PIWIL2: variants seen among roughly 807,000 people sequenced by gnomAD.
The protein encoded by PIWIL2 is piwi-like protein 2.
PIWIL2 carries 81 observed loss-of-function variants against 116.5 expected under a neutral mutation model. The observed-to-expected ratio is 0.70, with a 90% CI of 0.58 to 0.84. The LOEUF (loss-of-function observed/expected upper bound fraction) is 0.84, where lower values mean the gene tolerates loss of function less well. PIWIL2 is among the 40% of genes least tolerant of loss of function. The pLI, the probability that PIWIL2 is intolerant of heterozygous loss-of-function variation, is 0.00. For missense variants in PIWIL2, 1,272 were observed against 1,212.3 expected, an observed-to-expected ratio of 1.05 and a Z score of -0.73; for synonymous variants, 489 against 429.5, an observed-to-expected ratio of 1.14 and a Z score of -1.71.
chr8:22,308,032 CTG>C lies in PIWIL2; in HGVS notation c.1646_1647del (p.Leu549HisfsTer13). ...IAKNEAATNE[L>X]MRWGLRLQKD... is the part of the protein sequence containing the mutation. ...AAAGAACGAGGCAGCCACCAATGAA[CTG>C]ATGCGTTGGGGGCTCCGTCTGCAAA... On this transcript the variant is annotated frameshift_variant, in exon 14 of 23. Transcript: ENST00000356766. LOFTEE classifies it high-confidence loss of function. The C allele has an allele frequency of 6.2e-7, 1 of 1,613,998 alleles. No individual in the cohort carries two copies.
At chr8:22,281,092 T>C (rs1322113978) in intron 2 of PIWIL2, 28 bp from the exon 3 acceptor site, 1 of 1,492,848 alleles carries the variant, frequency 6.7e-7, no homozygotes, top group Admixed American at 1.9e-5. Flanking sequence ...AACTACCTCT[T>C]AGAACTTTAT....
intron 20 of PIWIL2, among the ~76,000 whole-genome samples, chr8:22,333,830 A>G (rs574734631): frequency 1.3e-5 from 2 of 152,140 alleles, no homozygotes; most frequent in African/African-American, 2.4e-5. Flanking sequence ...ATGTAGGAAT[A>G]TAATAAAAAA....
intron 10 of PIWIL2, among the ~76,000 whole-genome samples, chr8:22,296,842 C>T (rs1015353049): frequency 1.3e-5 from 2 of 152,058 alleles, no homozygotes; most frequent in Admixed American, 1.3e-4. Context: ...GTAATATGTC[C>T]TTTAGTGTGG....
intron 20 of PIWIL2, among the ~76,000 whole-genome samples, chr8:22,347,716 G>A (rs1586599533): frequency 1.3e-5 from 2 of 150,594 alleles, no homozygotes; most frequent in South Asian, 2.1e-4. Flanking sequence ...TAGTAGAGAC[G>A]GGGTTTCACT....
chr8:22,281,580 A>ATATT, intron 4 of PIWIL2, 65 bp downstream of exon 4: 2 of 1,320,938 alleles, frequency 1.5e-6, no homozygotes, highest in Non-Finnish European at 2.1e-6. Flanking sequence ...AAGTTCAGAG[A>ATATT]GCAACTCTAA....
chr8:22,295,012 G>A (rs1020776801), intron 10 of PIWIL2, among the ~76,000 whole-genome samples: 4 of 151,956 alleles, frequency 2.6e-5, no homozygotes, highest in Admixed American at 6.6e-5. Context: ...CTGGGAGGTG[G>A]AGGTTGCAGT....
chr8:22,305,383 G>A (rs528031399), intron 12 of PIWIL2, among the ~76,000 whole-genome samples: 3 of 152,044 alleles, frequency 2.0e-5, no homozygotes, highest in African/African-American at 2.4e-5. Context: ...TAATAGAGAC[G>A]GGGTTTCACC....
chr8:22,313,167 T>C (rs185640400), intron 16 of PIWIL2, among the ~76,000 whole-genome samples: 1 of 152,312 alleles, frequency 6.6e-6, no homozygotes, highest in African/African-American at 2.4e-5. Flanking sequence ...TACCAACTTA[T>C]CTCATAGCGG....
intron 10 of PIWIL2, among the ~76,000 whole-genome samples, chr8:22,302,247 T>C (rs1315621980): frequency 6.6e-6 from 1 of 152,096 alleles, no homozygotes. Flanking sequence ...AGTGGCGCGA[T>C]CTTGGCTCAC....
chr8:22,298,560 A>G (rs1291252617), intron 10 of PIWIL2, among the ~76,000 whole-genome samples: 1 of 152,236 alleles, frequency 6.6e-6, no homozygotes, highest in African/African-American at 2.4e-5. Context: ...TGAAGAACAA[A>G]GAGTTAAACA....
intron 11 of PIWIL2, among the ~76,000 whole-genome samples, chr8:22,304,493 A>G (rs539146007): frequency 1.5e-4 from 23 of 152,330 alleles, no homozygotes; most frequent in African/African-American, 4.8e-4. Context: ...AATTCAAGTC[A>G]TTAATCATTT....
At position 22,355,572 on chromosome 8, in the gene PIWIL2, G is replaced by T; in HGVS notation, c.*67G>T. 7.0e-7 allele frequency: 1 copy of T among 1,419,780 alleles called. No homozygotes were observed. The highest frequency in any genetic ancestry group is 9.8e-7 in the Non-Finnish European group (1 of 1,020,682). The allele number at this position is 1,419,780 out of a possible 1,614,324, so 87.9% of individuals were successfully genotyped here. ...TCAGAACTCAGCTGTGACTCTTGCA[G>T]AATCAACAGAGACTGAAGTGGGCTT... On this transcript the variant is annotated 3_prime_UTR_variant, in exon 23 of 23. Transcript: ENST00000356766.
At chr8:22,328,754 A>G (rs1831786817) in intron 20 of PIWIL2, among the ~76,000 whole-genome samples, 1 of 149,110 alleles carries the variant, frequency 6.7e-6, no homozygotes, top group African/African-American at 2.5e-5. Context: ...ATAGAAACAC[A>G]ACTGTTTTTA....
chr8:22,285,473 A>G (rs1830608612), intron 6 of PIWIL2, among the ~76,000 whole-genome samples: 1 of 152,168 alleles, frequency 6.6e-6, no homozygotes, highest in Non-Finnish European at 1.5e-5. Context: ...GTGGACACTT[A>G]GATTGATTCC....
chr8:22,277,048 A>T (rs549087046), intron 1 of PIWIL2, among the ~76,000 whole-genome samples: 3 of 150,340 alleles, frequency 2.0e-5, no homozygotes, highest in Non-Finnish European at 4.4e-5. Context: ...TTTTTTTGAG[A>T]CAGAATCTTG....
At chr8:22,306,774 T>G (rs952316798) in intron 13 of PIWIL2, among the ~76,000 whole-genome samples, 2 of 152,204 alleles carry the variant, frequency 1.3e-5, no homozygotes, top group Non-Finnish European at 2.9e-5. Flanking sequence ...TTCTTCTACT[T>G]TCACCTACCT....
intron 20 of PIWIL2, among the ~76,000 whole-genome samples, chr8:22,350,664 T>G (rs1832332591): frequency 6.6e-6 from 1 of 152,064 alleles, no homozygotes; most frequent in Non-Finnish European, 1.5e-5. Context: ...TACATACTTG[T>G]AAATGTAGTG....
intron 10 of PIWIL2, among the ~76,000 whole-genome samples, 187 bp from the exon 11 acceptor site, chr8:22,303,834 C>T (rs1034174381): frequency 6.6e-6 from 1 of 152,158 alleles, no homozygotes; most frequent in Non-Finnish European, 1.5e-5. Context: ...CTGCCTCTGC[C>T]TCCTAAAATG....
At chr8:22,339,729 A>G (rs778480451) in intron 20 of PIWIL2, among the ~76,000 whole-genome samples, 1 of 152,232 alleles carries the variant, frequency 6.6e-6, no homozygotes, top group African/African-American at 2.4e-5. Context: ...TCCGATACAT[A>G]TGGAAAGGCT....
Sources: allele counts gnomAD v4.1 joint callset (sites outside exome capture counted in the v4.1 genomes callset), GRCh38; gene constraint gnomAD v4.1.1; transcripts MANE v1.5; gene names NCBI Gene and HGNC (gene_info 2026-07-23, HGNC 2026-07-21).